Variants in CD101 observed in about 807,000 individuals in gnomAD.
CD101 encodes CD101 molecule.
A neutral mutation model predicts 98.2 loss-of-function variants in CD101; 76 were observed. The observed-to-expected ratio is 0.77, with a 90% CI of 0.64 to 0.94. The LOEUF (loss-of-function observed/expected upper bound fraction) is 0.94, where lower values mean the gene tolerates loss of function less well. Among genes scored for constraint, CD101 ranks in the 40% least tolerant of loss-of-function variants. The pLI, the probability that CD101 is intolerant of heterozygous loss-of-function variation, is 0.00. For missense variants in CD101, 1,145 were observed against 1,218.8 expected, an observed-to-expected ratio of 0.94 and a Z score of 0.90; for synonymous variants, 471 against 472.7, an observed-to-expected ratio of 1.00 and a Z score of 0.05.
chr1:117,011,605 A>G lies in CD101; in HGVS notation c.480A>G (p.Glu160=). The change falls in exon 3 of 10, where the codon GAA becomes GAG. Residue 160 remains glutamate (E), a synonymous_variant. Transcript: ENST00000682167. ...TMSSQTLGKE[E]GEPLALTCEA... ...GTTCTCAGACTCTCGGTAAGGAGGA[A>G]GGTGAGCCATTAGCCCTCACCTGTG... 1 of 1,614,078 alleles carries G rather than the reference A, an allele frequency of 6.2e-7. No individual in the cohort carries two copies. The highest frequency in any genetic ancestry group is 2.2e-5 in the East Asian group (1 of 44,882).
rs1172217762 is a variant in CD101, at chr1:117,005,840, G to A, written c.43+3980G>A. Among the ~76,000 whole-genome samples the A allele has an allele frequency of 7.9e-5, 12 of 152,056 alleles. No individual in the cohort carries two copies. The highest frequency in any genetic ancestry group is 6.5e-5 in the Admixed American group (1 of 15,268). ...TTCAAGTCTGGCTCAAATCCTAGGA[G>A]TTTTTACATAACTAAATATGGGAAT... On this transcript the variant is annotated intron_variant, in intron 1 of 9. Coordinates refer to ENST00000682167, the MANE Select transcript of CD101 (RefSeq NM_001256106.3). This position sits in a 1 kb window ranked among gnomAD's most constrained non-coding sequence, Gnocchi z 4.4.
rs745896197 is a variant in CD101, at chr1:117,021,929, C to T, written c.2374C>T (p.His792Tyr). The T allele has an allele frequency of 6.2e-7, 1 of 1,613,610 alleles. No individual in the cohort carries two copies. The highest frequency in any genetic ancestry group is 1.7e-5 in the Admixed American group (1 of 59,908). Residue 792 changes from histidine (H) to tyrosine (Y), a missense_variant, in exon 7 of 10, where the codon CAC becomes TAC. Physicochemically the swap from His to Tyr is moderately conservative, Grantham distance 83. Transcript: ENST00000682167. This position sits in a 1 kb window ranked among gnomAD's most constrained non-coding sequence, Gnocchi z 4.7. ...EWLLSTNGTW[H>Y]KLGEKKSGLT... is the part of the protein sequence containing the mutation. The stretch of plus-strand genomic sequence containing the variant: ...GCTCCTGTCTACAAATGGCACTTGG[C>T]ACAAGCTTGGAGAAAAGAAGTCAGG...
chr1:117,009,392 A>G (rs932308133), intron 1 of CD101, among the ~76,000 whole-genome samples: 1 of 152,280 alleles, frequency 6.6e-6, no homozygotes, highest in Non-Finnish European at 1.5e-5. Flanking sequence ...TAGAAAAATC[A>G]TGGCACCAAG....
chr1:117,031,931 A>G (rs1293779465), intron 8 of CD101, among the ~76,000 whole-genome samples: 1 of 152,162 alleles, frequency 6.6e-6, no homozygotes, highest in Non-Finnish European at 1.5e-5. Context: ...CCTGGACTCC[A>G]TGGCTCCATT....
rs994966639 is a variant in CD101 at position 117,019,069 on chromosome 1, A to C, written c.2017+509A>C. 3.3e-5 allele frequency among the ~76,000 whole-genome samples: 5 copies of C among 152,226 alleles called. No homozygotes were observed. The highest frequency in any genetic ancestry group is 1.2e-4 in the African/African-American group (5 of 41,454). ...ATTACAATCAAATATAATCCATCTC[A>C]TCAACTGATAATAGAGCATAGGAGT... On this transcript the variant is annotated intron_variant, in intron 6 of 9. Coordinates refer to ENST00000682167, the MANE Select transcript of CD101 (RefSeq NM_001256106.3). The surrounding 1 kb of genome is among the most constrained non-coding windows in gnomAD (Gnocchi z 4.3).
chr1:117,032,998 T>C (rs932020481), intron 8 of CD101: 1 of 152,264 alleles, frequency 6.6e-6, no homozygotes, highest in African/African-American at 2.4e-5. Flanking sequence ...CAGCAAAAGT[T>C]ACTGAGCACA....
intron 8 of CD101, among the ~76,000 whole-genome samples, chr1:117,030,655 T>G (rs554216644): frequency 6.6e-6 from 1 of 152,346 alleles, no homozygotes; most frequent in South Asian, 2.1e-4. Context: ...AATGAAAGAA[T>G]GAGCAGGCAC....
rs765689087 is a variant in CD101, at chr1:117,013,618, G to C, written c.1054G>C (p.Val352Leu). Reference sequence around the variant, plus strand: ...GAGAGCAAGTCAAGGAGAGCTCCAGGTTTCAAAGTTAGGCCCCAAGGCTTT... The same window carrying C: ...GAGAGCAAGTCAAGGAGAGCTCCAGCTTTCAAAGTTAGGCCCCAAGGCTTT... ...KERASQGELQ[V>L]SKLGPKAFSL... Residue 352 changes from valine (V) to leucine (L), a missense_variant, in exon 4 of 10, where the codon GTT (valine) becomes CTT (leucine). By Grantham distance (32) the Val-to-Leu change is conservative. Transcript: ENST00000682167. 1.2e-6 allele frequency: 2 copies of C among 1,614,162 alleles called. No individual in the cohort carries two copies. Among genetic ancestry groups the C allele is most frequent in the African/African-American group, 1.3e-5 (1 of 75,038 alleles).
At chr1:117,007,416 C>T (rs545355158) in intron 1 of CD101, among the ~76,000 whole-genome samples, 5 of 151,800 alleles carry the variant, frequency 3.3e-5, no homozygotes, top group African/African-American at 4.8e-5. Context: ...GACGCAATCT[C>T]GGCTCACTGC....
Position 117,017,124 on chromosome 1 carries a change from G to A in CD101, c.1263G>A (p.Gln421=). The part of the protein sequence containing the change: ...RSVVMSTKNK[Q]QVVWEGETLA... Reference sequence around the variant, plus strand: ...TGGTCATGTCTACCAAGAACAAGCAGCAAGTTGTGTGGGAAGGAGAGACAC... The same window carrying A: ...TGGTCATGTCTACCAAGAACAAGCAACAAGTTGTGTGGGAAGGAGAGACAC... The change falls in exon 5 of 10, where the codon CAG becomes CAA. Residue 421 remains glutamine (Q), a synonymous_variant. Coordinates refer to ENST00000682167, the MANE Select transcript of CD101 (RefSeq NM_001256106.3). 6.2e-7 allele frequency: 1 copy of A among 1,614,116 alleles called. No homozygotes were observed. Among genetic ancestry groups the A allele is most frequent in the Non-Finnish European group, 8.5e-7 (1 of 1,179,996 alleles).
intron 1 of CD101, among the ~76,000 whole-genome samples, chr1:117,008,926 A>T (rs1652708229): frequency 6.6e-6 from 1 of 152,158 alleles, no homozygotes; most frequent in Non-Finnish European, 1.5e-5. Context: ...GGAAGAACTG[A>T]CCACTCTTGT....
intron 8 of CD101, among the ~76,000 whole-genome samples, chr1:117,027,580 T>C (rs922192167): frequency 2.0e-5 from 3 of 152,172 alleles, no homozygotes; most frequent in Admixed American, 2.0e-4. Context: ...TCCTGGTCAT[T>C]GAGAATGGCA....
intron 8 of CD101, 28 bp downstream of exon 8, chr1:117,025,932 TC>T: frequency 6.3e-7 from 1 of 1,578,878 alleles, no homozygotes. Flanking sequence ...TACCGCGAGC[TC>T]ATGGTCAGGA....
At chr1:117,008,262 C>G (rs902831645) in intron 1 of CD101, among the ~76,000 whole-genome samples, 1 of 151,912 alleles carries the variant, frequency 6.6e-6, no homozygotes, top group Non-Finnish European at 1.5e-5. Flanking sequence ...GTCAGGAGTT[C>G]GAGACCAGCC....
chr1:117,011,522 C>A, intron 2 of CD101, 28 bp from the exon 3 acceptor site: 2 of 1,592,628 alleles, frequency 1.3e-6, no homozygotes, highest in Admixed American at 1.7e-5. Flanking sequence ...CTGGGCCAGT[C>A]ACATTATTAT....
intron 4 of CD101, among the ~76,000 whole-genome samples, chr1:117,015,906 C>T (rs976226057): frequency 6.6e-6 from 1 of 152,086 alleles, no homozygotes; most frequent in Non-Finnish European, 1.5e-5. Context: ...GAGCCGTGGC[C>T]TTAAATTAGT....
rs1197063861 is a variant in CD101 at position 117,004,762 on chromosome 1, C to T, written c.43+2902C>T. ...TGATCTCTGCCAGTCATGCCTTCTACCTGAAAAATACCTTTGAAATCTCCA... is the reference window on the plus strand; with the variant it reads ...TGATCTCTGCCAGTCATGCCTTCTATCTGAAAAATACCTTTGAAATCTCCA... On this transcript the variant is annotated intron_variant, in intron 1 of 9. Coordinates refer to ENST00000682167, the MANE Select transcript of CD101 (RefSeq NM_001256106.3). This position sits in a 1 kb window ranked among gnomAD's most constrained non-coding sequence, Gnocchi z 4.1. 7.9e-5 allele frequency among the ~76,000 whole-genome samples: 12 copies of T among 151,874 alleles called. No individual in the cohort carries two copies. In the South Asian group the frequency reaches 1.5e-3, roughly 18 times the overall value.
chr1:117,035,594 G>C (rs1390907423), intron 9 of CD101, among the ~76,000 whole-genome samples: 1 of 150,796 alleles, frequency 6.6e-6, no homozygotes, highest in Non-Finnish European at 1.5e-5. Context: ...CTGTCGCCCG[G>C]GCTGGAGTGC....
rs903047203 is a variant in CD101 at position 117,001,914 on chromosome 1, G to A, written c.43+54G>A. Reference sequence around the variant, plus strand: ...TTGTCACAGGAGTTCATCAACTCAGGGTGCTGAGTGATGGAACAGGACAAT... The same window carrying A: ...TTGTCACAGGAGTTCATCAACTCAGAGTGCTGAGTGATGGAACAGGACAAT... On this transcript the variant is annotated intron_variant, in intron 1 of 9. Coordinates refer to ENST00000682167, the MANE Select transcript of CD101 (RefSeq NM_001256106.3). 11 of 1,520,870 alleles carry A rather than the reference G, an allele frequency of 7.2e-6. No individual in the cohort carries two copies. In the Admixed American group the frequency reaches 1.3e-4, roughly 19 times the overall value. 94.2% of individuals were successfully genotyped at this position (1,520,870 alleles called of 1,614,324 possible).
Sources: allele counts gnomAD v4.1 joint callset (sites outside exome capture counted in the v4.1 genomes callset), GRCh38; gene constraint gnomAD v4.1.1; non-coding constraint Gnocchi (gnomAD v3.1); transcripts MANE v1.5; gene names NCBI Gene and HGNC (gene_info 2026-07-23, HGNC 2026-07-21).